Variants in CACNA1E observed in about 807,000 individuals in gnomAD.
CACNA1E encodes the protein calcium voltage-gated channel subunit alpha1 E.
Under a neutral mutation model 259.2 loss-of-function variants are expected in CACNA1E, and 40 were observed. The observed-to-expected ratio is 0.15, with a 90% CI of 0.12 to 0.20. CACNA1E has a LOEUF of 0.20. Among genes scored for constraint, CACNA1E ranks in the 10% least tolerant of loss-of-function variants. The probability of loss-of-function intolerance (pLI) is 1.00; values close to 1 mark genes in which losing one functional copy is unlikely to be tolerated. For missense variants in CACNA1E, 1,874 were observed against 3,040.1 expected (o/e 0.62, Z 9.02); for synonymous variants, 1,104 against 1,138.5 (o/e 0.97, Z 0.61).
intron 3 of CACNA1E, among the ~76,000 whole-genome samples, chr1:181,557,659 C>T (rs951089997): frequency 2.6e-5 from 4 of 152,192 alleles, no homozygotes. Flanking sequence ...GCATCTCTCC[C>T]CTTCCTGTCT....
At chr1:181,779,844 AC>A (rs1660274674) in intron 38 of CACNA1E, among the ~76,000 whole-genome samples, 1 of 151,706 alleles carries the variant, frequency 6.6e-6, no homozygotes, top group African/African-American at 2.4e-5. Flanking sequence ...ACACACACAC[AC>A]ACACAGGTCC....
At chr1:181,382,825 G>C (rs1655556460) in intron 1 of CACNA1E, among the ~76,000 whole-genome samples, 1 of 152,160 alleles carries the variant, frequency 6.6e-6, no homozygotes. Flanking sequence ...TGCTCCAGCT[G>C]ATCTGGTCTT....
In CACNA1E at chr1:181,732,766, C is replaced by A. The variant is rs751910426; in HGVS notation, c.2680C>A (p.Pro894Thr). 8 of 1,576,140 alleles carry A rather than the reference C, an allele frequency of 5.1e-6. No individual in the cohort carries two copies. In the South Asian group the frequency reaches 7.2e-5, roughly 14 times the overall value. Reference sequence around the variant, plus strand: ...CAGGCCCTGTCATGGAAACTGTGACCCGACTCAGCAGGAGGCAGGGGGAGG... The same window carrying A: ...CAGGCCCTGTCATGGAAACTGTGACACGACTCAGCAGGAGGCAGGGGGAGG... ...LARPCHGNCD[P>T]TQQEAGGGEA... Residue 894 changes from proline (P) to threonine (T), a missense_variant, in exon 20 of 48, where the codon CCG becomes ACG. By Grantham distance (38) the Pro-to-Thr change is conservative (BLOSUM62 -1). Around this residue, in one of 14 missense-constraint regions of CACNA1E, gnomAD observed 476 missense variants for 514.0 expected, o/e 0.93. Transcript: ENST00000367573. The surrounding 1 kb of genome is among the most constrained non-coding windows in gnomAD (Gnocchi z 5.5).
chr1:181,720,744 G>A (rs1360247993), intron 14 of CACNA1E, 39 bp from the exon 15 acceptor site: 1 of 1,233,262 alleles, frequency 8.1e-7, no homozygotes, highest in East Asian at 2.4e-5. Context: ...TGGTATGTGA[G>A]ATTTTCATTT....
intron 2 of CACNA1E, among the ~76,000 whole-genome samples, chr1:181,420,794 C>T (rs1485686026): frequency 3.3e-5 from 5 of 152,104 alleles, no homozygotes; most frequent in Non-Finnish European, 5.9e-5. Context: ...TTAAAGTCTG[C>T]GTAGGTTGGT....
chr1:181,373,662 C>T (rs993727129), intron 1 of CACNA1E, among the ~76,000 whole-genome samples: 1 of 151,774 alleles, frequency 6.6e-6, no homozygotes, highest in Non-Finnish European at 1.5e-5. Context: ...CTCAGCCTCC[C>T]AAGTAGCTGG....
At chr1:181,364,136 G>A (rs1654092069) in intron 1 of CACNA1E, among the ~76,000 whole-genome samples, 1 of 152,176 alleles carries the variant, frequency 6.6e-6, no homozygotes. Context: ...CCGTGACTCT[G>A]ATTGGCTCCC....
At chr1:181,780,290 T>G (rs899724565) in intron 38 of CACNA1E, among the ~76,000 whole-genome samples, 2 of 152,136 alleles carry the variant, frequency 1.3e-5, no homozygotes, top group East Asian at 3.9e-4. Flanking sequence ...AATTTCCAAG[T>G]CACTTCTTGT....
intron 7 of CACNA1E, among the ~76,000 whole-genome samples, chr1:181,677,654 C>G (rs1649515431): frequency 6.6e-6 from 1 of 152,166 alleles, no homozygotes; most frequent in Admixed American, 6.5e-5. Flanking sequence ...AAGCTGAAAC[C>G]TGCCACATCT....
At chr1:181,406,969 G>T (rs1657507961) in intron 1 of CACNA1E, among the ~76,000 whole-genome samples, 1 of 152,148 alleles carries the variant, frequency 6.6e-6, no homozygotes. Context: ...TCAAGCTAAA[G>T]GTTGCTTGAC....
rs760662722 is a variant in CACNA1E at position 181,444,935 on chromosome 1, TC to T, written c.434+31356del. On this transcript the variant is annotated intron_variant, in intron 2 of 11. Coordinates refer to the CACNA1E transcript ENST00000524607. ...AGCTGTGGTTCCTCTGTCTTCTCTC[TC>T]TGTAAATTTTTTGACTTCTGATCTT... Among the ~76,000 whole-genome samples the T allele has an allele frequency of 3.2e-3, 484 of 152,302 alleles. 6 individuals are homozygous for T. Among genetic ancestry groups the T allele is most frequent in the Non-Finnish European group, 3.4e-3 (230 of 68,032 alleles).
At chr1:181,699,302 A>C (rs1275656457) in intron 7 of CACNA1E, among the ~76,000 whole-genome samples, 1 of 152,250 alleles carries the variant, frequency 6.6e-6, no homozygotes, top group Non-Finnish European at 1.5e-5. Flanking sequence ...ATTCTTGAGC[A>C]AAGACAAAAA....
chr1:181,407,783 C>A (rs771419808), intron 1 of CACNA1E, among the ~76,000 whole-genome samples: 5 of 152,188 alleles, frequency 3.3e-5, no homozygotes, highest in Admixed American at 1.3e-4. Context: ...TCATTCCCTG[C>A]CATTCCTATT....
intron 1 of CACNA1E, among the ~76,000 whole-genome samples, chr1:181,341,728 C>A (rs561840802): frequency 1.3e-5 from 2 of 152,304 alleles, no homozygotes; most frequent in African/African-American, 2.4e-5. Flanking sequence ...CGGTTGTTCT[C>A]AAAAATGTTC....
At chr1:181,347,892 C>T (rs984908332) in intron 1 of CACNA1E, among the ~76,000 whole-genome samples, 3 of 152,192 alleles carry the variant, frequency 2.0e-5, no homozygotes, top group African/African-American at 7.2e-5. Flanking sequence ...TAACAATATC[C>T]CAGTTGAAGG....
intron 1 of CACNA1E, among the ~76,000 whole-genome samples, chr1:181,509,097 G>A (rs1665959562): frequency 1.3e-5 from 2 of 152,180 alleles, no homozygotes; most frequent in South Asian, 2.1e-4. Context: ...GGTGGGGGAG[G>A]AGAAGGCACT....
chr1:181,772,175 G>A lies in CACNA1E; in HGVS notation c.5083G>A (p.Gly1695Ser), dbSNP rs1160971846. 1 of 1,613,814 alleles carries A rather than the reference G, an allele frequency of 6.2e-7. No homozygotes were observed. Among genetic ancestry groups the A allele is most frequent in the Non-Finnish European group, 8.5e-7 (1 of 1,179,870 alleles). ...AGGGCAGAACGAGAACGAACGCTGC[G>A]GCACCGATCTGGCCTACGTGTACTT... Reference protein sequence around the residue: ...PSGQNENERCGTDLAYVYFVS... With the variant: ...PSGQNENERCSTDLAYVYFVS... The change falls in exon 37 of 48, where the codon GGC becomes AGC. Residue 1695 changes from glycine (G) to serine (S), a missense_variant. Physicochemically the swap from Gly to Ser is moderately conservative, Grantham distance 56 (BLOSUM62 0). Transcript: ENST00000367573.
intron 39 of CACNA1E, among the ~76,000 whole-genome samples, chr1:181,781,946 T>C (rs1660464919): frequency 6.6e-6 from 1 of 152,192 alleles, no homozygotes; most frequent in South Asian, 2.1e-4. Flanking sequence ...AAGGAAATCA[T>C]GCAGAAATTC....
In CACNA1E at chr1:181,644,269, T is replaced by G. The variant is rs545450124; in HGVS notation, c.952-7069T>G. Among the ~76,000 whole-genome samples the G allele has an allele frequency of 2.0e-5, 3 of 152,266 alleles. No homozygotes were observed. In the East Asian group the frequency reaches 5.8e-4, roughly 29 times the overall value. ...CAAGGGTTTGCAAGAAGTTGACCCA[T>G]TTTGGTTCTAGATTGTGGCCCCAGA... On this transcript the variant is annotated intron_variant, in intron 6 of 47. Coordinates refer to ENST00000367573, the MANE Select transcript of CACNA1E (RefSeq NM_001205293.3).
Sources: allele counts gnomAD v4.1 joint callset (sites outside exome capture counted in the v4.1 genomes callset), GRCh38; gene constraint gnomAD v4.1.1; regional missense constraint gnomAD v4.1.1; non-coding constraint Gnocchi (gnomAD v3.1); transcripts MANE v1.5; gene names NCBI Gene and HGNC (gene_info 2026-07-23, HGNC 2026-07-21).